Variants in RGS20 observed in about 807,000 individuals in gnomAD.
RGS20 encodes the protein regulator of G protein signaling 20.
Under a neutral mutation model 33.6 loss-of-function variants are expected in RGS20, and 30 were observed. That is an observed-to-expected ratio of 0.89 (90% CI 0.67 to 1.21). RGS20 has a LOEUF of 1.21. Ranked by LOEUF, RGS20 falls within the 50% of genes most tolerant of loss-of-function variation. The pLI, the probability that RGS20 is intolerant of heterozygous loss-of-function variation, is 0.00. For synonymous variants in RGS20, 208 were observed against 197.9 expected (o/e 1.05, Z -0.43); for missense variants, 472 against 502.4 (o/e 0.94, Z 0.58).
At chr8:53,948,446 A>G (rs963890763) in intron 4 of RGS20, among the ~76,000 whole-genome samples, 2 of 141,664 alleles carry the variant, frequency 1.4e-5, no homozygotes, top group African/African-American at 5.1e-5. Context: ...GTATATATTT[A>G]CATATGCTAT....
rs62515820 is a variant in RGS20 at position 53,949,198 on chromosome 8, G to A, written c.743+2450G>A. Among the ~76,000 whole-genome samples, 32 of 19,936 alleles carry A rather than the reference G, an allele frequency of 1.6e-3. 1 individual carries two copies. The highest frequency in any genetic ancestry group is 0.025 in the Middle Eastern group (1 of 40). 13.1% of individuals were successfully genotyped at this position (19,936 alleles called of 152,430 possible). ...TAAGATACAGTATATATTTATATAT[G>A]CTATATAAGATACAGTATATATTTA... On this transcript the variant is annotated intron_variant, in intron 4 of 5. Coordinates refer to ENST00000297313, the MANE Select transcript of RGS20 (RefSeq NM_170587.4).
chr8:53,909,209 GTATATATATA>G (rs1178436696), intron 2 of RGS20, among the ~76,000 whole-genome samples: 224 of 43,730 alleles, frequency 5.1e-3, no homozygotes, highest in South Asian at 9.7e-3. Context: ...TGGTATGTGT[GTATATATATA>G]TATATATATA....
In RGS20 at chr8:53,939,658, C is replaced by A; in HGVS notation, c.593C>A (p.Pro198His). The change falls in exon 3 of 6, where the codon CCC becomes CAC. Residue 198 changes from proline to histidine, a missense_variant. Physicochemically the swap from Pro to His is moderately conservative, Grantham distance 77. Transcript: ENST00000297313. ...ACACCAGGCGCCGCCCCAGGCCAGCCCGGAGCGGGGAGTCGCGGGTCCAAC... is the reference window on the plus strand; with the variant it reads ...ACACCAGGCGCCGCCCCAGGCCAGCACGGAGCGGGGAGTCGCGGGTCCAAC... 6.3e-7 allele frequency: 1 copy of A among 1,590,954 alleles called. No individual in the cohort carries two copies. Among genetic ancestry groups the A allele is most frequent in the Non-Finnish European group, 8.6e-7 (1 of 1,169,518 alleles).
At chr8:53,896,446 T>A (rs2129279262) in intron 2 of RGS20, among the ~76,000 whole-genome samples, 1 of 152,342 alleles carries the variant, frequency 6.6e-6, no homozygotes, top group East Asian at 1.9e-4. Context: ...CCAGGAGGCC[T>A]GCAAAGTGTG....
At chr8:53,884,191 CTTTTTTTT>C (rs4014055) in intron 2 of RGS20, among the ~76,000 whole-genome samples, 1 of 103,478 alleles carries the variant, frequency 9.7e-6, no homozygotes, top group African/African-American at 4.5e-5. Flanking sequence ...GAAAAACAGT[CTTTTTTTT>C]TTTTTTTTTT....
chr8:53,885,624 AT>A (rs1023306960), intron 2 of RGS20, among the ~76,000 whole-genome samples: 3 of 152,074 alleles, frequency 2.0e-5, no homozygotes, highest in African/African-American at 4.8e-5. Flanking sequence ...AAAAAAAAAA[AT>A]GAATTATACG....
intron 2 of RGS20, chr8:53,880,355 G>C (rs2129274166): frequency 6.5e-6 from 1 of 153,058 alleles, no homozygotes; most frequent in East Asian, 1.9e-4. Context: ...AGCTGGGAGG[G>C]GGCGAGGGCC....
At chr8:53,948,420 CTA>C (rs1301359608) in intron 4 of RGS20, among the ~76,000 whole-genome samples, 3 of 129,132 alleles carry the variant, frequency 2.3e-5, no homozygotes, top group Admixed American at 8.0e-5. Flanking sequence ...TTTACATATG[CTA>C]TATATAAGAT....
chr8:53,888,660 C>T (rs1812615472), intron 2 of RGS20, among the ~76,000 whole-genome samples: 1 of 152,146 alleles, frequency 6.6e-6, no homozygotes, highest in Non-Finnish European at 1.5e-5. Context: ...CACCACGGCT[C>T]TAGATGAAGA....
intron 2 of RGS20, among the ~76,000 whole-genome samples, chr8:53,907,986 G>C (rs1478353874): frequency 6.6e-6 from 1 of 152,080 alleles, no homozygotes; most frequent in East Asian, 1.9e-4. Flanking sequence ...CATTCTGCAG[G>C]GTAGAGTCTC....
chr8:53,926,490 C>T (rs1813800715), intron 2 of RGS20, among the ~76,000 whole-genome samples: 1 of 152,088 alleles, frequency 6.6e-6, no homozygotes, highest in Admixed American at 6.5e-5. Context: ...AAACACAATA[C>T]TTGGTGTTTC....
chr8:53,906,114 T>A (rs1467513354), intron 2 of RGS20, among the ~76,000 whole-genome samples: 1 of 152,116 alleles, frequency 6.6e-6, no homozygotes, highest in African/African-American at 2.4e-5. Context: ...GACCAGAGGA[T>A]CCTACAAAAA....
intron 2 of RGS20, among the ~76,000 whole-genome samples, chr8:53,884,642 A>G (rs77006324): frequency 0.023 from 3,558 of 152,276 alleles, 140 homozygotes; most frequent in African/African-American, 0.081. Context: ...AAATAGAATG[A>G]AGACTTCTGA....
intron 4 of RGS20, 21 bp downstream of exon 3, chr8:53,946,769 T>TA: frequency 6.3e-7 from 1 of 1,597,766 alleles, no homozygotes; most frequent in Middle Eastern, 1.7e-4. Flanking sequence ...ACGTTTTTTT[T>TA]ACCTCACTAA....
chr8:53,866,320 C>T (rs1209938891), intron 1 of RGS20, among the ~76,000 whole-genome samples: 2 of 151,986 alleles, frequency 1.3e-5, no homozygotes, highest in Non-Finnish European at 2.9e-5. Context: ...ACTTGAACTT[C>T]ATCCTGCAGA....
chr8:53,948,095 G>C (rs1462409782), intron 4 of RGS20, among the ~76,000 whole-genome samples: 1 of 130,218 alleles, frequency 7.7e-6, no homozygotes, highest in Non-Finnish European at 1.6e-5. Flanking sequence ...ATAAGATGTA[G>C]TATATATATG....
intron 2 of RGS20, among the ~76,000 whole-genome samples, chr8:53,912,731 T>A (rs1174144768): frequency 6.6e-6 from 1 of 152,210 alleles, no homozygotes; most frequent in Non-Finnish European, 1.5e-5. Context: ...CATCCATGAT[T>A]TTTTAATTTA....
chr8:53,915,962 G>A (rs927052506), intron 2 of RGS20, among the ~76,000 whole-genome samples: 10 of 151,976 alleles, frequency 6.6e-5, no homozygotes, highest in African/African-American at 1.9e-4. Context: ...ACTTCCCCTT[G>A]GGGTCTACTT....
chr8:53,858,317 C>T (rs1256073453), intron 1 of RGS20, among the ~76,000 whole-genome samples: 1 of 152,146 alleles, frequency 6.6e-6, no homozygotes, highest in Non-Finnish European at 1.5e-5. Context: ...ACTCCACTTA[C>T]AATTCTGATT....
Sources: allele counts gnomAD v4.1 joint callset (sites outside exome capture counted in the v4.1 genomes callset), GRCh38; gene constraint gnomAD v4.1.1; transcripts MANE v1.5; gene names NCBI Gene and HGNC (gene_info 2026-07-23, HGNC 2026-07-21).